SGCZ: variants seen among roughly 807,000 people sequenced by gnomAD.
SGCZ encodes zeta-sarcoglycan.
A neutral mutation model predicts 41.3 loss-of-function variants in SGCZ; 40 were observed. That is an observed-to-expected ratio of 0.97 (90% CI 0.75 to 1.26). SGCZ has a LOEUF of 1.26. Among genes scored for constraint, SGCZ ranks in the 50% most tolerant of loss-of-function variants. The pLI, the probability that SGCZ is intolerant of heterozygous loss-of-function variation, is 0.00. For synonymous variants in SGCZ, 206 were observed against 137.5 expected (o/e 1.50, Z -3.49); for missense variants, 552 against 369.8 (o/e 1.49, Z -4.04).
At chr8:14,282,458 C>G (rs1031719541) in intron 3 of SGCZ, among the ~76,000 whole-genome samples, 3 of 152,124 alleles carry the variant, frequency 2.0e-5, no homozygotes, top group African/African-American at 7.2e-5. Context: ...TATTCACAAA[C>G]ACACACACCT....
chr8:14,168,467 G>A (rs1380702288), intron 4 of SGCZ, among the ~76,000 whole-genome samples: 1 of 152,048 alleles, frequency 6.6e-6, no homozygotes, highest in Non-Finnish European at 1.5e-5. Flanking sequence ...GGTCTTTCCT[G>A]TGCTGTTCTC....
chr8:14,460,654 G>A (rs763569181), intron 2 of SGCZ, among the ~76,000 whole-genome samples: 93 of 152,180 alleles, frequency 6.1e-4, no homozygotes, highest in Non-Finnish European at 1.1e-3. Context: ...ACAGAGAGAC[G>A]AATTCCAAAT....
At chr8:14,680,733 A>C (rs1808415614) in intron 1 of SGCZ, among the ~76,000 whole-genome samples, 1 of 150,816 alleles carries the variant, frequency 6.6e-6, no homozygotes, top group South Asian at 2.1e-4. Flanking sequence ...TCTTATAAAT[A>C]TACTACATAT....
chr8:14,425,128 T>A (rs971663685), intron 2 of SGCZ, among the ~76,000 whole-genome samples: 2 of 152,188 alleles, frequency 1.3e-5, no homozygotes, highest in Non-Finnish European at 2.9e-5. Flanking sequence ...AGCGACAACA[T>A]TAGCCAGAGC....
chr8:14,235,930 G>A (rs113104488), intron 4 of SGCZ, among the ~76,000 whole-genome samples: 11 of 152,210 alleles, frequency 7.2e-5, no homozygotes, highest in African/African-American at 1.9e-4. Flanking sequence ...TGATCCGCCC[G>A]CCTTGGCCTC....
chr8:14,385,758 C>T (rs1307429835), intron 2 of SGCZ, among the ~76,000 whole-genome samples: 2 of 151,994 alleles, frequency 1.3e-5, no homozygotes, highest in South Asian at 2.1e-4. Context: ...AAAACAAAAT[C>T]CAGGAAGAAT....
intron 1 of SGCZ, among the ~76,000 whole-genome samples, chr8:14,589,896 A>C (rs1805185921): frequency 1.3e-5 from 2 of 152,146 alleles, no homozygotes; most frequent in South Asian, 4.1e-4. Context: ...AGAATTTGAA[A>C]CAAACTTCTT....
At chr8:14,122,278 C>A (rs1042839883) in intron 5 of SGCZ, among the ~76,000 whole-genome samples, 1 of 151,900 alleles carries the variant, frequency 6.6e-6, no homozygotes, top group Non-Finnish European at 1.5e-5. Context: ...GACTCAGTCT[C>A]CAAAAACAAA....
rs1801455599 is a variant in SGCZ, at chr8:14,975,872, TTAC to T, written c.39+261710_39+261712del. 3.9e-5 allele frequency among the ~76,000 whole-genome samples: 4 copies of T among 103,672 alleles called. No individual in the cohort carries two copies. In the South Asian group the frequency reaches 1.2e-3, roughly 32 times the overall value. 68.0% of individuals were successfully genotyped at this position (103,672 alleles called of 152,430 possible). A position where few individuals can be genotyped will look rare whatever the true frequency, so the allele number is the denominator to read the frequency against. The stretch of plus-strand genomic sequence containing the variant: ...TCAGGCTTTAAAATCAAGAAAAATT[TTAC>T]ACACACACACACACACACACATATA... On this transcript the variant is annotated intron_variant, in intron 1 of 7. Transcript: ENST00000382080.
intron 1 of SGCZ, among the ~76,000 whole-genome samples, chr8:15,021,054 T>A (rs1188816901): frequency 6.6e-6 from 1 of 152,190 alleles, no homozygotes; most frequent in Non-Finnish European, 1.5e-5. Flanking sequence ...AGAAAATTCA[T>A]CTGGGATCAA....
Position 14,774,651 on chromosome 8 carries a change from A to C in SGCZ, c.40-219725T>G, listed in dbSNP as rs138820867. The stretch of plus-strand genomic sequence containing the variant: ...CCCCTTCTAAGTCCTCAACAGCCTC[A>C]TGTGTTTTGGATCACCCTAGCTTTG... On this transcript the variant is annotated intron_variant, in intron 1 of 7. Transcript: ENST00000382080. Among the ~76,000 whole-genome samples, 433 of 152,262 alleles carry C rather than the reference A, an allele frequency of 2.8e-3. 2 individuals are homozygous for C. Among genetic ancestry groups the C allele is most frequent in the African/African-American group, 9.9e-3 (412 of 41,556 alleles).
At chr8:15,149,862 G>A (rs1799130571) in intron 1 of SGCZ, among the ~76,000 whole-genome samples, 1 of 152,118 alleles carries the variant, frequency 6.6e-6, no homozygotes, top group Non-Finnish European at 1.5e-5. Flanking sequence ...AGGATATTCT[G>A]TTGATAATAG....
At chr8:14,737,349 G>C (rs184728540) in intron 1 of SGCZ, among the ~76,000 whole-genome samples, 18 of 152,036 alleles carry the variant, frequency 1.2e-4, no homozygotes, top group African/African-American at 3.6e-4. Flanking sequence ...ATCACAGACG[G>C]TCAATTGGAA....
At chr8:15,174,091 T>C (rs1403563541) in intron 1 of SGCZ, among the ~76,000 whole-genome samples, 3 of 152,170 alleles carry the variant, frequency 2.0e-5, no homozygotes, top group East Asian at 1.9e-4. Flanking sequence ...CTGCATATTA[T>C]ACCAACAGAT....
Position 14,131,756 on chromosome 8 carries a change from T to G in SGCZ, c.548-23521A>C, listed in dbSNP as rs372422049. The stretch of plus-strand genomic sequence containing the variant: ...ACATTTTAGTCAGCAACAGATAACA[T>G]ATATGACAGCGATCCCTTAATATTG... On this transcript the variant is annotated intron_variant, in intron 5 of 7. Coordinates refer to ENST00000382080, the MANE Select transcript of SGCZ (RefSeq NM_139167.4). Among the ~76,000 whole-genome samples, 4 of 152,288 alleles carry G rather than the reference T, an allele frequency of 2.6e-5. No individual in the cohort carries two copies. In the South Asian group the frequency reaches 6.2e-4, roughly 24 times the overall value.
rs575317286 is a variant in SGCZ, at chr8:15,237,991, G to GA, written c.-369dup. 554 of 184,788 alleles carry GA rather than the reference G, an allele frequency of 3.0e-3. 2 individuals carry two copies. Among genetic ancestry groups the GA allele is most frequent in the African/African-American group, 0.013 (536 of 42,558 alleles). 11.4% of individuals were successfully genotyped at this position (184,788 alleles called of 1,614,324 possible). A position where few individuals can be genotyped will look rare whatever the true frequency, so the allele number is the denominator to read the frequency against. On this transcript the variant is annotated 5_prime_UTR_variant, in exon 1 of 8. An upstream open reading frame in the 5' UTR loses its in-frame stop. Transcript: ENST00000382080. The stretch of plus-strand genomic sequence containing the variant: ...AACCCAGCGAATTGCTGCATCCCGA[G>GA]AAAAAAAGCTGCTTCCCTGGTCAGC...
chr8:14,742,414 A>G (rs1799221059), intron 1 of SGCZ, among the ~76,000 whole-genome samples: 1 of 152,096 alleles, frequency 6.6e-6, no homozygotes, highest in African/African-American at 2.4e-5. Context: ...GCCTTTTCTT[A>G]GTCTGGCCCA....
intron 7 of SGCZ, among the ~76,000 whole-genome samples, chr8:14,099,554 G>C (rs1801947113): frequency 6.6e-6 from 1 of 152,028 alleles, no homozygotes; most frequent in African/African-American, 2.4e-5. Flanking sequence ...GCGACACCCT[G>C]TCTCTTCTAA....
At chr8:14,423,300 C>T (rs1293500516) in intron 2 of SGCZ, among the ~76,000 whole-genome samples, 1 of 149,584 alleles carries the variant, frequency 6.7e-6, no homozygotes, top group African/African-American at 2.5e-5. Flanking sequence ...TACCCTAAAA[C>T]TTAAAGTATA....
Sources: gnomAD v4.1 joint callset for allele counts (sites outside exome capture counted in the v4.1 genomes callset) on GRCh38, gnomAD v4.1.1 for gene constraint, MANE v1.5 for transcripts, NCBI Gene and HGNC (gene_info 2026-07-23, HGNC 2026-07-21) for gene names.